Variants in WDR72 observed in about 807,000 individuals in gnomAD.
WDR72 encodes WD repeat-containing protein 72.
A neutral mutation model predicts 124.2 loss-of-function variants in WDR72; 120 were observed. That is an observed-to-expected ratio of 0.97 (90% CI 0.83 to 1.12). The LOEUF is 1.12. Ranked by LOEUF, WDR72 falls within the 50% of genes most tolerant of loss-of-function variation. The pLI is 0.00. For missense variants in WDR72, 1,387 were observed against 1,278.8 expected (o/e 1.08, Z -1.29); for synonymous variants, 452 against 441.7 (o/e 1.02, Z -0.29).
chr15:53,694,097 T>G (rs1470681820), intron 13 of WDR72, among the ~76,000 whole-genome samples: 2 of 152,144 alleles, frequency 1.3e-5, no homozygotes, highest in Non-Finnish European at 2.9e-5. Context: ...GAATCCACCA[T>G]GGATACAATA....
At chr15:53,641,683 C>T (rs987790340) in intron 14 of WDR72, among the ~76,000 whole-genome samples, 3 of 151,820 alleles carry the variant, frequency 2.0e-5, no homozygotes, top group Admixed American at 6.6e-5. Flanking sequence ...TTTCATATGG[C>T]TCTTGCATAT....
chr15:53,566,133 A>G (rs952704300), intron 18 of WDR72, among the ~76,000 whole-genome samples: 2 of 151,962 alleles, frequency 1.3e-5, no homozygotes, highest in African/African-American at 4.8e-5. Context: ...CTGCATTATC[A>G]CATTTATTAC....
At chr15:53,671,773 C>T (rs190121482) in intron 13 of WDR72, among the ~76,000 whole-genome samples, 42 of 152,230 alleles carry the variant, frequency 2.8e-4, no homozygotes, top group Admixed American at 9.8e-4. Context: ...TTGGAGACAG[C>T]GAGTCAGTTT....
At chr15:53,528,152 C>A (rs907100596) in intron 18 of WDR72, among the ~76,000 whole-genome samples, 4 of 152,060 alleles carry the variant, frequency 2.6e-5, no homozygotes, top group African/African-American at 9.7e-5. Context: ...TTTGAACAGA[C>A]TCCAAATTCA....
intron 14 of WDR72, among the ~76,000 whole-genome samples, chr15:53,626,531 G>C (rs1282417039): frequency 6.6e-6 from 1 of 152,212 alleles, no homozygotes; most frequent in Non-Finnish European, 1.5e-5. Context: ...GACCAGAAGA[G>C]TGCAGCTGCA....
chr15:53,647,725 A>G (rs577400967), intron 14 of WDR72, among the ~76,000 whole-genome samples: 3 of 152,098 alleles, frequency 2.0e-5, no homozygotes, highest in Non-Finnish European at 4.4e-5. Context: ...AGAAATAATA[A>G]ACTTGAGTTG....
In WDR72 at chr15:53,515,083, G is replaced by GTGTATATA. The variant is rs1270793859; in HGVS notation, c.*2615_*2616insTATATACA. ...TATATATACACACATATATATGTATGTATACACACACACACACACACACAA... is the reference window on the plus strand; with the variant it reads ...TATATATACACACATATATATGTATGTGTATATATATACACACACACACACACACACAA... On this transcript the variant is annotated 3_prime_UTR_variant, in exon 20 of 20. Coordinates refer to ENST00000360509, the MANE Select transcript of WDR72 (RefSeq NM_182758.4). 9.8e-5 allele frequency: 2 copies of GTGTATATA among 20,306 alleles called. No individual in the cohort carries two copies. Among genetic ancestry groups the GTGTATATA allele is most frequent in the East Asian group, 3.7e-3 (2 of 536 alleles). 1.3% of individuals were successfully genotyped at this position (20,306 alleles called of 1,614,324 possible).
intron 1 of WDR72, among the ~76,000 whole-genome samples, chr15:53,748,626 T>C (rs2018701078): frequency 6.6e-6 from 1 of 152,126 alleles, no homozygotes. Flanking sequence ...CCAGCACTCT[T>C]AGTTGATGAT....
At chr15:53,634,551 G>A (rs2014554443) in intron 14 of WDR72, among the ~76,000 whole-genome samples, 2 of 152,092 alleles carry the variant, frequency 1.3e-5, no homozygotes, top group African/African-American at 2.4e-5. Flanking sequence ...ATTTGTTTTG[G>A]GCCCCATTCA....
chr15:53,689,166 A>G (rs2016750145), intron 13 of WDR72, among the ~76,000 whole-genome samples: 1 of 152,240 alleles, frequency 6.6e-6, no homozygotes, highest in Non-Finnish European at 1.5e-5. Context: ...CCAGGACTTC[A>G]CGTCTAAAAC....
rs139390554 is a variant in WDR72, at chr15:53,622,018, G to A, written c.1963-5775C>T. The stretch of plus-strand genomic sequence containing the variant: ...ACATTCGTGTGGTCAATAAACATAT[G>A]AAAAAAGCTCATAATCACTGATCAT... On this transcript the variant is annotated intron_variant, in intron 14 of 19. Transcript: ENST00000360509. 2.6e-5 allele frequency among the ~76,000 whole-genome samples: 4 copies of A among 152,146 alleles called. No individual in the cohort carries two copies. The East Asian group carries it at 7.7e-4, about 29-fold the overall frequency.
intron 18 of WDR72, among the ~76,000 whole-genome samples, chr15:53,545,112 C>T (rs898112436): frequency 6.7e-6 from 1 of 148,982 alleles, no homozygotes; most frequent in African/African-American, 2.5e-5. Flanking sequence ...GATTCAATGC[C>T]ATCCCCATAA....
At chr15:53,743,583 A>T (rs2018564965) in intron 1 of WDR72, among the ~76,000 whole-genome samples, 1 of 152,194 alleles carries the variant, frequency 6.6e-6, no homozygotes. Context: ...GAATATTTTT[A>T]CTTTCTAGAA....
chr15:53,754,666 C>T (rs1388408818), intron 1 of WDR72, among the ~76,000 whole-genome samples: 1 of 152,114 alleles, frequency 6.6e-6, no homozygotes, highest in African/African-American at 2.4e-5. Flanking sequence ...AAGAAACTAC[C>T]TGGTAATACC....
chr15:53,742,119 G>A (rs931440563), intron 1 of WDR72, among the ~76,000 whole-genome samples: 19 of 152,182 alleles, frequency 1.2e-4, no homozygotes, highest in African/African-American at 4.6e-4. Context: ...CTGATTAAAA[G>A]CTTGCACATA....
At chr15:53,525,841 T>C (rs1355684017) in intron 18 of WDR72, among the ~76,000 whole-genome samples, 1 of 152,086 alleles carries the variant, frequency 6.6e-6, no homozygotes, top group Non-Finnish European at 1.5e-5. Context: ...ACAAGATTTG[T>C]CATTTTTACT....
In WDR72 at chr15:53,711,248, G is replaced by A. The variant is rs141269663; in HGVS notation, c.857+88C>T. The stretch of plus-strand genomic sequence containing the variant: ...TGTTTTGTTCTGGTTTTTGATCATG[G>A]GCAGCATGCAGGGATTTTTCCATAA... On this transcript the variant is annotated intron_variant, in intron 8 of 19. Coordinates refer to ENST00000360509, the MANE Select transcript of WDR72 (RefSeq NM_182758.4). 6.6e-4 allele frequency: 1,039 copies of A among 1,582,846 alleles called. 5 individuals are homozygous for A. The African/African-American group carries it at 0.013, about 19-fold the overall frequency.
In WDR72 at chr15:53,523,327, TA is replaced by T; in HGVS notation, c.3149-6del. 2.5e-6 allele frequency: 4 copies of T among 1,579,896 alleles called. No individual in the cohort carries two copies. The highest frequency in any genetic ancestry group is 1.7e-4 in the Middle Eastern group (1 of 5,896). On this transcript the variant is annotated splice_region_variant and splice_polypyrimidine_tract_variant and intron_variant, in intron 18 of 19. Coordinates refer to ENST00000360509, the MANE Select transcript of WDR72 (RefSeq NM_182758.4). ...GCTTGACCGGGCTGACTGGAGCTAT[TA>T]AAAGAGAGAGAGAGAGAGAGAGAGA...
intron 1 of WDR72, among the ~76,000 whole-genome samples, chr15:53,758,969 TC>T (rs2018992186): frequency 6.6e-6 from 1 of 151,738 alleles, no homozygotes; most frequent in South Asian, 2.1e-4. Context: ...GCACAGACAG[TC>T]CCCCCTTTAT....
Sources: allele counts gnomAD v4.1 joint callset (sites outside exome capture counted in the v4.1 genomes callset), GRCh38; gene constraint gnomAD v4.1.1; transcripts MANE v1.5; gene names NCBI Gene and HGNC (gene_info 2026-07-23, HGNC 2026-07-21).